The following PCF11 variants were observed in gnomAD, a reference collection of about 807,000 sequenced individuals.
PCF11 encodes PCF11 cleavage and polyadenylation factor subunit.
In PCF11, 19 loss-of-function variants were observed where a neutral mutation model predicts 166.1. That is an observed-to-expected ratio of 0.11 (90% CI 0.08 to 0.17). PCF11 has a LOEUF of 0.17. Ranked by LOEUF, PCF11 falls within the 10% of genes least tolerant of loss-of-function variation. PCF11 has a pLI of 1.00. For missense variants in PCF11, 1,565 were observed against 1,855.5 expected, an observed-to-expected ratio of 0.84 and a Z score of 2.88; for synonymous variants, 663 against 644.1, an observed-to-expected ratio of 1.03 and a Z score of -0.44.
exon 16 of PCF11, chr11:83,186,034 AACT>A (rs1489454205): frequency 1.5e-4 from 23 of 152,364 alleles, no homozygotes; most frequent in Admixed American, 1.2e-3. Context: ...CACATCTAAT[AACT>A]ACATGGTAGA....
chr11:83,166,160 G>A (rs776608272), exon 5 of PCF11: 1 of 1,607,168 alleles, frequency 6.2e-7, no homozygotes, highest in Admixed American at 1.7e-5. Flanking sequence ...ATGTGAAAGA[G>A]AAGAGAAAAA....
intron 1 of PCF11, among the ~76,000 whole-genome samples, chr11:83,159,042 C>G (rs1229127803): frequency 4.6e-5 from 7 of 152,120 alleles, no homozygotes; most frequent in Non-Finnish European, 1.0e-4. Context: ...ACAAGATACA[C>G]GGTTTCAGGT....
intron 9 of PCF11, among the ~76,000 whole-genome samples, chr11:83,176,089 G>T (rs1230648665): frequency 6.6e-6 from 1 of 152,204 alleles, no homozygotes; most frequent in Non-Finnish European, 1.5e-5. Context: ...GTGCTAAGGG[G>T]TAATAAACTA....
rs7126557 is a variant in PCF11 at position 83,163,675 on chromosome 11, C to T, written c.319-4C>T. 4.3e-6 allele frequency: 6 copies of T among 1,394,614 alleles called. No homozygotes were observed. Among genetic ancestry groups the T allele is most frequent in the African/African-American group, 1.4e-5 (1 of 69,546 alleles). The allele number at this position is 1,394,614 out of a possible 1,614,324, so 86.4% of individuals were successfully genotyped here. A position where few individuals can be genotyped will look rare whatever the true frequency, so the allele number is the denominator to read the frequency against. ...CAAGCCATAGAATTGTTCTGTTGTT[C>T]TAGGTGGATGAAAATACTAGGAAAA... On this transcript the variant is annotated splice_polypyrimidine_tract_variant and splice_region_variant and intron_variant, in intron 2 of 15. Coordinates refer to ENST00000298281, the Ensembl canonical transcript of PCF11.
intron 2 of PCF11, 30 bp downstream of exon 2, chr11:83,161,482 T>A: frequency 6.7e-7 from 1 of 1,500,574 alleles, no homozygotes; most frequent in Non-Finnish European, 8.9e-7. Context: ...CATTTGCGTT[T>A]TTTTTTAAAA....
Position 83,161,557 on chromosome 11 carries a change from A to G in PCF11, c.318+105A>G, listed in dbSNP as rs1860254853. 17 of 826,168 alleles carry G rather than the reference A, an allele frequency of 2.1e-5. 1 individual carries two copies. Among genetic ancestry groups the G allele is most frequent in the East Asian group, 2.9e-5 (1 of 34,214 alleles). 51.2% of individuals were successfully genotyped at this position (826,168 alleles called of 1,614,324 possible). On this transcript the variant is annotated intron_variant, in intron 2 of 15. Transcript: ENST00000298281. The stretch of plus-strand genomic sequence containing the variant: ...GTTTTCTTGGGTGGTGAAATGTTTT[A>G]TACTTTTGGACATTTATCGTTAGTA...
Position 83,163,664 on chromosome 11 carries a change from G to T in PCF11, c.319-15G>T, listed in dbSNP as rs747796005. On this transcript the variant is annotated splice_polypyrimidine_tract_variant and intron_variant, in intron 2 of 15. Coordinates refer to ENST00000298281, the Ensembl canonical transcript of PCF11. ...TAGTAACTTAACAAGCCATAGAATTGTTCTGTTGTTCTAGGTGGATGAAAA... is the reference window on the plus strand; with the variant it reads ...TAGTAACTTAACAAGCCATAGAATTTTTCTGTTGTTCTAGGTGGATGAAAA... The T allele has an allele frequency of 1.7e-6, 2 of 1,205,746 alleles. No individual in the cohort carries two copies. The highest frequency in any genetic ancestry group is 2.3e-6 in the Non-Finnish European group (2 of 874,540). 74.7% of individuals were successfully genotyped at this position (1,205,746 alleles called of 1,614,324 possible).
chr11:83,177,572 T>C, intron 10 of PCF11, 142 bp from the exon 11 acceptor site: 1 of 435,730 alleles, frequency 2.3e-6, no homozygotes, highest in East Asian at 3.5e-5. Context: ...TGTATTAGGT[T>C]CCTTGGCCAG....
At chr11:83,166,880 A>C (rs1444213101) in intron 5 of PCF11, among the ~76,000 whole-genome samples, 166 bp downstream of exon 5, 1 of 152,186 alleles carries the variant, frequency 6.6e-6, no homozygotes, top group Non-Finnish European at 1.5e-5. Context: ...TTTTACAGAT[A>C]AGGAAACTGA....
chr11:83,184,639 T>C, intron 15 of PCF11, 40 bp from the exon 16 acceptor site: 1 of 1,359,654 alleles, frequency 7.4e-7, no homozygotes, highest in Non-Finnish European at 1.0e-6. Flanking sequence ...GTGAGAATTT[T>C]GAACTTTCAT....
At chr11:83,170,330 G>A (rs963596409) in intron 8 of PCF11, among the ~76,000 whole-genome samples, 1 of 152,042 alleles carries the variant, frequency 6.6e-6, no homozygotes, top group African/African-American at 2.4e-5. Flanking sequence ...TTGCAGAACT[G>A]TTGAGCCCTG....
At chr11:83,160,403 T>C (rs1860199341) in intron 1 of PCF11, among the ~76,000 whole-genome samples, 1 of 149,704 alleles carries the variant, frequency 6.7e-6, no homozygotes, top group Admixed American at 6.7e-5. Context: ...AAAACTATTA[T>C]GGTGTGTCTT....
intron 11 of PCF11, among the ~76,000 whole-genome samples, chr11:83,179,086 A>G (rs1451400178): frequency 6.6e-6 from 1 of 151,970 alleles, no homozygotes; most frequent in East Asian, 1.9e-4. Flanking sequence ...TTAAATTTGA[A>G]TTAGATACTA....
intron 8 of PCF11, among the ~76,000 whole-genome samples, chr11:83,170,543 G>A (rs959773783): frequency 3.3e-5 from 5 of 151,982 alleles, no homozygotes; most frequent in East Asian, 3.8e-4. Context: ...ACAACATAGC[G>A]AATAGCCTTC....
chr11:83,169,535 C>T (rs1590929080), exon 8 of PCF11: 3 of 1,613,622 alleles, frequency 1.9e-6, no homozygotes, highest in Non-Finnish European at 1.7e-6. Flanking sequence ...GAAAGGACTC[C>T]TGGTCAGCCA....
exon 8 of PCF11, chr11:83,169,200 G>T: frequency 6.2e-7 from 1 of 1,613,548 alleles, no homozygotes; most frequent in Non-Finnish European, 8.5e-7. Flanking sequence ...TTGGAATGAG[G>T]TTTGAGGGCC....
At chr11:83,177,625 T>C (rs1860931273) in intron 10 of PCF11, 89 bp from the exon 11 acceptor site, 1 of 559,310 alleles carries the variant, frequency 1.8e-6, no homozygotes, top group Non-Finnish European at 3.0e-6. Flanking sequence ...GGTGGATTTC[T>C]CTATTTGCTT....
rs1025537067 is a variant in PCF11 at position 83,170,411 on chromosome 11, A to G, written c.3660+416A>G. Among the ~76,000 whole-genome samples the G allele has an allele frequency of 9.2e-5, 14 of 152,334 alleles. 1 individual carries two copies. The highest frequency in any genetic ancestry group is 5.9e-4 in the Admixed American group (9 of 15,298). On this transcript the variant is annotated intron_variant, in intron 8 of 15. Coordinates refer to ENST00000298281, the Ensembl canonical transcript of PCF11. ...CAAGAATTTCCTTAACCTGAGTTAA[A>G]TAAGAAGATCAAATTGTGTCCCTGC...
intron 14 of PCF11, 139 bp from the exon 15 acceptor site, chr11:83,182,899 T>C (rs914999767): frequency 4.7e-6 from 3 of 643,154 alleles, no homozygotes; most frequent in Non-Finnish European, 8.3e-6. Context: ...GATGAAAATT[T>C]GGTTTTATCC....
Sources: allele counts gnomAD v4.1 joint callset (sites outside exome capture counted in the v4.1 genomes callset), GRCh38; gene constraint gnomAD v4.1.1; transcripts MANE v1.5; gene names NCBI Gene and HGNC (gene_info 2026-07-23, HGNC 2026-07-21).